SCLT1: variants seen among roughly 807,000 people sequenced by gnomAD.
SCLT1 encodes sodium channel-associated protein 1.
Under a neutral mutation model 112.8 loss-of-function variants are expected in SCLT1, and 78 were observed. The observed-to-expected ratio is 0.69, with a 90% CI of 0.58 to 0.83. SCLT1 has a LOEUF of 0.83. Among genes scored for constraint, SCLT1 ranks in the 40% least tolerant of loss-of-function variants. The probability of loss-of-function intolerance (pLI) is 0.00; values close to 1 mark genes in which losing one functional copy is unlikely to be tolerated. For synonymous variants in SCLT1, 257 were observed against 254.7 expected, an observed-to-expected ratio of 1.01 and a Z score of -0.09; for missense variants, 747 against 770.4, an observed-to-expected ratio of 0.97 and a Z score of 0.36.
intron 18 of SCLT1, among the ~76,000 whole-genome samples, chr4:128,901,741 T>G (rs1009500147): frequency 6.6e-6 from 1 of 152,148 alleles, no homozygotes; most frequent in Admixed American, 6.5e-5. Flanking sequence ...CCATTCATTT[T>G]AATCCAGACA....
intron 9 of SCLT1, among the ~76,000 whole-genome samples, chr4:128,982,045 A>T (rs1315577907): frequency 6.6e-6 from 1 of 152,220 alleles, no homozygotes; most frequent in East Asian, 1.9e-4. Flanking sequence ...AAGATCAGAG[A>T]GACATTTATA....
intron 18 of SCLT1, among the ~76,000 whole-genome samples, chr4:128,908,461 C>T (rs1245809210): frequency 6.6e-6 from 1 of 150,746 alleles, no homozygotes; most frequent in Non-Finnish European, 1.5e-5. Context: ...TATTGTTTTA[C>T]AAAGTGAAGA....
intron 8 of SCLT1, among the ~76,000 whole-genome samples, chr4:128,996,786 G>A (rs994896776): frequency 1.3e-5 from 2 of 151,822 alleles, no homozygotes; most frequent in African/African-American, 4.8e-5. Context: ...GAATACTTCT[G>A]CCTTAGAAAT....
intron 18 of SCLT1, among the ~76,000 whole-genome samples, chr4:128,903,308 AC>A (rs1444444107): frequency 6.6e-6 from 1 of 152,196 alleles, no homozygotes; most frequent in East Asian, 1.9e-4. Flanking sequence ...TCACTACGCA[AC>A]AGGAATTTTT....
chr4:129,091,362 T>C (rs370697483), intron 1 of SCLT1, among the ~76,000 whole-genome samples: 5 of 151,944 alleles, frequency 3.3e-5, no homozygotes, highest in African/African-American at 1.2e-4. Flanking sequence ...CATGGAACTA[T>C]TAAATACCAC....
At chr4:128,998,660 TAA>T (rs1743209129) in intron 7 of SCLT1, among the ~76,000 whole-genome samples, 1 of 151,612 alleles carries the variant, frequency 6.6e-6, no homozygotes, top group Admixed American at 6.6e-5. Flanking sequence ...TCAAAGAACT[TAA>T]TATGAAAAAT....
At chr4:128,887,587 C>G (rs2125920651) in intron 20 of SCLT1, among the ~76,000 whole-genome samples, 1 of 152,240 alleles carries the variant, frequency 6.6e-6, no homozygotes, top group East Asian at 1.9e-4. Flanking sequence ...CCTCCCCTAT[C>G]TATCTATCCA....
At chr4:128,935,280 C>A (rs777597640) in intron 18 of SCLT1, among the ~76,000 whole-genome samples, 2 of 151,852 alleles carry the variant, frequency 1.3e-5, no homozygotes, top group Non-Finnish European at 2.9e-5. Context: ...ACCACTAACT[C>A]TTTCATTTTA....
intron 5 of SCLT1, among the ~76,000 whole-genome samples, chr4:129,015,556 T>G (rs1279220383): frequency 1.3e-5 from 2 of 152,076 alleles, no homozygotes; most frequent in African/African-American, 4.8e-5. Flanking sequence ...AAGTTGAGCC[T>G]AAGGAAATGG....
intron 18 of SCLT1, among the ~76,000 whole-genome samples, chr4:128,894,661 C>T (rs1405487314): frequency 1.3e-5 from 2 of 151,996 alleles, no homozygotes; most frequent in Non-Finnish European, 2.9e-5. Context: ...TTAAAGTCAA[C>T]TCCTATTTCT....
At chr4:129,006,179 T>C (rs1743998511) in intron 5 of SCLT1, among the ~76,000 whole-genome samples, 1 of 151,996 alleles carries the variant, frequency 6.6e-6, no homozygotes, top group Admixed American at 6.6e-5. Context: ...AAAAAATTCA[T>C]TTAATAAAAA....
intron 9 of SCLT1, among the ~76,000 whole-genome samples, chr4:128,988,922 GAGGAT>G (rs1742330901): frequency 6.6e-6 from 1 of 151,920 alleles, no homozygotes; most frequent in Non-Finnish European, 1.5e-5. Context: ...AATCCCACAA[GAGGAT>G]ATAAGAATTG....
intron 18 of SCLT1, among the ~76,000 whole-genome samples, chr4:128,925,029 A>G (rs1479888522): frequency 6.6e-6 from 1 of 152,150 alleles, no homozygotes; most frequent in Non-Finnish European, 1.5e-5. Context: ...CAACAAGGCA[A>G]GGAACTGATG....
chr4:128,934,002 C>T (rs1354654355), intron 18 of SCLT1, among the ~76,000 whole-genome samples: 1 of 151,832 alleles, frequency 6.6e-6, no homozygotes, highest in Admixed American at 6.6e-5. Context: ...GTAGTTAAGC[C>T]ATCAACTTCC....
intron 2 of SCLT1, among the ~76,000 whole-genome samples, chr4:129,055,981 AAGCATAGTATCTGGGCCGAAT>A (rs2125721011): frequency 6.6e-6 from 1 of 152,230 alleles, no homozygotes; most frequent in East Asian, 1.9e-4. Context: ...ACCGTGGGAA[AAGCATAGTATCTGGGCCGAAT>A]AGCACAGTCC....
intron 18 of SCLT1, among the ~76,000 whole-genome samples, chr4:128,894,098 C>A (rs1226467794): frequency 6.6e-6 from 1 of 151,962 alleles, no homozygotes; most frequent in Non-Finnish European, 1.5e-5. Flanking sequence ...TGCCATCATG[C>A]CCGGCTAGTT....
At chr4:129,029,462 G>A (rs1302073125) in intron 5 of SCLT1, among the ~76,000 whole-genome samples, 4 of 150,834 alleles carry the variant, frequency 2.7e-5, no homozygotes, top group African/African-American at 7.3e-5. Context: ...TCACTCATAG[G>A]TGGGAATTGA....
intron 2 of SCLT1, among the ~76,000 whole-genome samples, chr4:129,075,312 G>A (rs1751367830): frequency 6.6e-6 from 1 of 152,122 alleles, no homozygotes; most frequent in African/African-American, 2.4e-5. Context: ...AGGACTGCAG[G>A]AAATCTCTTA....
At chr4:128,904,148 T>C (rs1263436686) in intron 18 of SCLT1, among the ~76,000 whole-genome samples, 1 of 152,122 alleles carries the variant, frequency 6.6e-6, no homozygotes, top group Non-Finnish European at 1.5e-5. Flanking sequence ...CTGTACCCAA[T>C]TTCTCTATAA....
Sources: gnomAD v4.1 joint callset for allele counts (sites outside exome capture counted in the v4.1 genomes callset) on GRCh38, gnomAD v4.1.1 for gene constraint, MANE v1.5 for transcripts, NCBI Gene and HGNC (gene_info 2026-07-23, HGNC 2026-07-21) for gene names.